GALNT14: variants seen among roughly 807,000 people sequenced by gnomAD.
The protein encoded by GALNT14 is polypeptide N-acetylgalactosaminyltransferase 14, also known as UDP-GalNAc:polypeptide N-acetylgalactosaminyltransferase 14.
A neutral mutation model predicts 77.5 loss-of-function variants in GALNT14; 60 were observed. The ratio of observed to expected loss-of-function variants is 0.77; its 90% CI spans 0.63 to 0.96. The LOEUF is 0.96. Among genes scored for constraint, GALNT14 ranks in the 40% least tolerant of loss-of-function variants. GALNT14 has a pLI of 0.00. For missense variants in GALNT14, 710 were observed against 731.0 expected (o/e 0.97, Z 0.33); for synonymous variants, 280 against 281.7 (o/e 0.99, Z 0.06).
chr2:31,041,998 G>C (rs1673121206), intron 1 of GALNT14, among the ~76,000 whole-genome samples: 1 of 152,152 alleles, frequency 6.6e-6, no homozygotes, highest in African/African-American at 2.4e-5. Context: ...GATGAGCTCA[G>C]GATAAAATGT....
At chr2:31,064,961 C>T (rs1024640706) in intron 1 of GALNT14, among the ~76,000 whole-genome samples, 12 of 141,014 alleles carry the variant, frequency 8.5e-5, no homozygotes, top group African/African-American at 2.9e-4. Context: ...GATTTGTCTC[C>T]TCCCTCCTTG....
chr2:31,136,309 A>G (rs568335612), intron 1 of GALNT14, among the ~76,000 whole-genome samples: 46 of 150,184 alleles, frequency 3.1e-4, no homozygotes, highest in Admixed American at 1.2e-3. Flanking sequence ...AATTATGCCA[A>G]ACTCACACAA....
At chr2:30,952,259 T>C (rs550298055) in intron 6 of GALNT14, among the ~76,000 whole-genome samples, 2 of 152,322 alleles carry the variant, frequency 1.3e-5, no homozygotes, top group East Asian at 1.9e-4. Flanking sequence ...CTTTGCATGA[T>C]AGAATTTTGG....
chr2:30,893,154 A>G, the GALNT14 span, among the ~76,000 whole-genome samples: 7 of 152,232 alleles, frequency 4.6e-5, no homozygotes, highest in African/African-American at 1.7e-4. Context: ...AAAAGAGGGA[A>G]ACACAAATTA....
At chr2:31,009,312 GC>G (rs66874990) in intron 1 of GALNT14, among the ~76,000 whole-genome samples, 21,943 of 152,048 alleles carry the variant, frequency 0.14, 1,798 homozygotes, top group Admixed American at 0.26. Flanking sequence ...CCCTGGAAAA[GC>G]CCCCCTTCGA....
At chr2:31,041,253 G>T (rs940691441) in intron 1 of GALNT14, among the ~76,000 whole-genome samples, 1 of 152,128 alleles carries the variant, frequency 6.6e-6, no homozygotes, top group African/African-American at 2.4e-5. Flanking sequence ...AGGTGGGTGA[G>T]GAAGATATGA....
chr2:30,958,421 A>G lies in GALNT14; in HGVS notation c.442T>C (p.Leu148=), dbSNP rs758643364. ...TPTHLIREII[L]VDDFSNDPDD... is the part of the protein sequence containing the mutation. ...CGGTCATTGCTGAAGTCATCCACTA[A>G]TATGATTTCCCGGATCAGATGCGTA... Residue 148 remains leucine (L), a synonymous_variant, in exon 4 of 15, where the codon TTA becomes CTA. Coordinates refer to ENST00000349752, the MANE Select transcript of GALNT14 (RefSeq NM_024572.4). 2.1e-5 allele frequency: 34 copies of G among 1,614,006 alleles called. No homozygotes were observed. Among genetic ancestry groups the G allele is most frequent in the Middle Eastern group, 1.6e-4 (1 of 6,084 alleles).
intron 1 of GALNT14, among the ~76,000 whole-genome samples, chr2:31,117,723 A>G (rs1678180965): frequency 6.6e-6 from 1 of 152,216 alleles, no homozygotes; most frequent in Non-Finnish European, 1.5e-5. Flanking sequence ...GAAGTAGTAG[A>G]AAACGTGAAA....
intron 11 of GALNT14, 55 bp from the exon 12 acceptor site, chr2:30,924,878 C>A: frequency 6.8e-7 from 1 of 1,472,320 alleles, no homozygotes; most frequent in South Asian, 1.2e-5. Flanking sequence ...CTGTCAGAGG[C>A]AGGCGCCAGC....
At chr2:30,965,075 G>C (rs2148339892) in intron 3 of GALNT14, among the ~76,000 whole-genome samples, 1 of 152,230 alleles carries the variant, frequency 6.6e-6, no homozygotes, top group East Asian at 1.9e-4. Context: ...TGGAGGTACT[G>C]GGGGTTCTTG....
At chr2:31,074,238 G>A (rs1393655017) in intron 1 of GALNT14, among the ~76,000 whole-genome samples, 1 of 152,118 alleles carries the variant, frequency 6.6e-6, no homozygotes, top group Non-Finnish European at 1.5e-5. Flanking sequence ...GCCCTGATGG[G>A]TCCCACTCTG....
At chr2:31,039,633 T>A (rs1386019512) in intron 1 of GALNT14, among the ~76,000 whole-genome samples, 1 of 152,206 alleles carries the variant, frequency 6.6e-6, no homozygotes, top group Non-Finnish European at 1.5e-5. Flanking sequence ...TCAGGCCTAT[T>A]TGCCTAGTCC....
At chr2:30,888,945 G>A in the GALNT14 span, among the ~76,000 whole-genome samples, 1 of 132,084 alleles carries the variant, frequency 7.6e-6, no homozygotes, top group Non-Finnish European at 1.6e-5. Context: ...TCCTACTGTT[G>A]AGTTCTGGGT....
chr2:31,058,806 G>T (rs188857185), intron 1 of GALNT14, among the ~76,000 whole-genome samples: 2 of 152,078 alleles, frequency 1.3e-5, no homozygotes, highest in Non-Finnish European at 2.9e-5. Flanking sequence ...GACAAAGTTC[G>T]GAGACATTAA....
At chr2:30,904,850 G>A in the GALNT14 span, among the ~76,000 whole-genome samples, 6 of 152,196 alleles carry the variant, frequency 3.9e-5, no homozygotes, top group South Asian at 4.2e-4. Flanking sequence ...CTCCCAGCAC[G>A]CAGCTGGAGA....
chr2:31,089,048 T>C (rs1676598679), intron 1 of GALNT14, among the ~76,000 whole-genome samples: 1 of 152,218 alleles, frequency 6.6e-6, no homozygotes, highest in Admixed American at 6.5e-5. Flanking sequence ...GGAGAATGTC[T>C]TTAGCCTGGG....
rs566143183 is a variant in GALNT14 at position 30,934,140 on chromosome 2, G to C, written c.932-1946C>G. On this transcript the variant is annotated intron_variant, in intron 9 of 14. Transcript: ENST00000349752. ...ACTGTACAGAGGGAGTTGGCATTTG[G>C]CTGGGGCACTGTTTGAATCGTTTTT... 3.3e-5 allele frequency among the ~76,000 whole-genome samples: 5 copies of C among 152,304 alleles called. No individual in the cohort carries two copies. The South Asian group carries it at 1.0e-3, about 32-fold the overall frequency.
chr2:31,053,421 T>C lies in GALNT14; in HGVS notation c.130-60414A>G, dbSNP rs373198647. Among the ~76,000 whole-genome samples the C allele has an allele frequency of 1.0e-3, 158 of 152,232 alleles. 3 individuals are homozygous for C. In the South Asian group the frequency reaches 0.031, roughly 30 times the overall value. ...CACCTCACCCAAGTAAGTGGGACTC[T>C]TCTCAAACCCCAGTTTTTCCCCACC... On this transcript the variant is annotated intron_variant, in intron 1 of 14. Coordinates refer to ENST00000349752, the MANE Select transcript of GALNT14 (RefSeq NM_024572.4).
chr2:31,088,861 T>C (rs1007722239), intron 1 of GALNT14, among the ~76,000 whole-genome samples: 3 of 152,024 alleles, frequency 2.0e-5, no homozygotes, highest in Non-Finnish European at 4.4e-5. Context: ...GGGGATAAGA[T>C]CCTGAAGATT....
Sources: allele counts gnomAD v4.1 joint callset (sites outside exome capture counted in the v4.1 genomes callset), GRCh38; gene constraint gnomAD v4.1.1; transcripts MANE v1.5; gene names NCBI Gene and HGNC (gene_info 2026-07-23, HGNC 2026-07-21).